The following RELCH variants were observed in gnomAD, a reference collection of about 807,000 sequenced individuals.
The protein encoded by RELCH is RAB11 binding and LisH domain, coiled-coil and HEAT repeat containing, also known as RAB11-binding protein RELCH.
A neutral mutation model predicts 150.3 loss-of-function variants in RELCH; 41 were observed. The ratio of observed to expected loss-of-function variants is 0.27; its 90% CI spans 0.21 to 0.35. The LOEUF (loss-of-function observed/expected upper bound fraction) is 0.35. Among genes scored for constraint, RELCH ranks in the 10% least tolerant of loss-of-function variants. The pLI, the probability that RELCH is intolerant of heterozygous loss-of-function variation, is 1.00. For synonymous variants in RELCH, 478 were observed against 531.8 expected (o/e 0.90, Z 1.39); for missense variants, 1,092 against 1,467.8 (o/e 0.74, Z 4.18).
chr18:62,299,021 T>C (rs1325059755), intron 28 of RELCH, among the ~76,000 whole-genome samples, 161 bp downstream of exon 28: 3 of 152,206 alleles, frequency 2.0e-5, no homozygotes, highest in Non-Finnish European at 4.4e-5. Flanking sequence ...TCCTGGTCCA[T>C]AAACTATCTC....
chr18:62,187,344 G>A lies in RELCH; in HGVS notation c.-162G>A. On this transcript the variant is annotated 5_prime_UTR_variant, in exon 1 of 29. Coordinates refer to ENST00000644646, the MANE Select transcript of RELCH (RefSeq NM_001346231.2). The stretch of plus-strand genomic sequence containing the variant: ...TGAGGCATCAGGTGCAGCTGCATCC[G>A]GATCTCCTGCCTTGGAGCGTACTCC... 1 of 568,484 alleles carries A rather than the reference G, an allele frequency of 1.8e-6. No homozygotes were observed. 35.2% of individuals were successfully genotyped at this position (568,484 alleles called of 1,614,324 possible). A position where few individuals can be genotyped will look rare whatever the true frequency, so the allele number is the denominator to read the frequency against.
At chr18:62,240,302 G>T (rs572699144) in intron 10 of RELCH, among the ~76,000 whole-genome samples, 4 of 151,348 alleles carry the variant, frequency 2.6e-5, no homozygotes, top group Non-Finnish European at 5.9e-5. Flanking sequence ...CCTTTGGATT[G>T]TGCAAAAGAA....
At position 62,258,092 on chromosome 18, in the gene RELCH, T is replaced by C. The variant is rs1568390838; in HGVS notation, c.2037+4T>C. The C allele has an allele frequency of 1.9e-6, 3 of 1,593,120 alleles. No individual in the cohort carries two copies. The South Asian group carries it at 3.5e-5, about 18-fold the overall frequency. On this transcript the variant is annotated splice_donor_region_variant and intron_variant, in intron 14 of 28. Coordinates refer to ENST00000644646, the MANE Select transcript of RELCH (RefSeq NM_001346231.2). Reference sequence around the variant, plus strand: ...TGATCCAGACAAATATCATCAGGTATGTTTTTCAGAATGAACTGATTTTAC... The same window carrying C: ...TGATCCAGACAAATATCATCAGGTACGTTTTTCAGAATGAACTGATTTTAC...
chr18:62,189,318 T>C (rs1245168548), intron 1 of RELCH, among the ~76,000 whole-genome samples: 4 of 147,974 alleles, frequency 2.7e-5, no homozygotes, highest in Non-Finnish European at 3.0e-5. Flanking sequence ...GATTTCTAAA[T>C]TATCTCATGA....
intron 28 of RELCH, chr18:62,300,974 C>G (rs975907033): frequency 6.6e-6 from 1 of 152,166 alleles, no homozygotes; most frequent in African/African-American, 2.4e-5. Context: ...AAGTCATAGT[C>G]TCTTCCCTCG....
intron 6 of RELCH, 49 bp from the exon 7 acceptor site, chr18:62,227,549 G>T: frequency 1.3e-6 from 2 of 1,547,222 alleles, no homozygotes; most frequent in South Asian, 2.3e-5. Flanking sequence ...CTATGTAAAA[G>T]CGTACAGTGA....
intron 11 of RELCH, among the ~76,000 whole-genome samples, chr18:62,247,580 G>A (rs2042484238): frequency 6.8e-6 from 1 of 146,430 alleles, no homozygotes; most frequent in Non-Finnish European, 1.5e-5. Context: ...GTCTCACTCT[G>A]TCTCCCAGGC....
chr18:62,280,313 T>C, intron 23 of RELCH: 2 of 1,512,632 alleles, frequency 1.3e-6, no homozygotes, highest in Non-Finnish European at 1.8e-6. Flanking sequence ...CCAGTTCTTA[T>C]TCCAGTTTAC....
chr18:62,285,414 T>C (rs1052027892), intron 25 of RELCH: 3 of 152,224 alleles, frequency 2.0e-5, no homozygotes, highest in Admixed American at 1.3e-4. Context: ...AGTGACTTTA[T>C]GTTATGTATT....
At chr18:62,273,890 G>C (rs1283851336) in intron 20 of RELCH, 90 bp from the exon 21 acceptor site, 20 of 789,024 alleles carry the variant, frequency 2.5e-5, no homozygotes, top group Non-Finnish European at 4.2e-5. Flanking sequence ...CCCCTTATTT[G>C]GTAACATTTT....
intron 1 of RELCH, among the ~76,000 whole-genome samples, chr18:62,199,078 T>G (rs1006176482): frequency 3.3e-5 from 5 of 151,088 alleles, no homozygotes; most frequent in African/African-American, 1.2e-4. Flanking sequence ...ATTAATATTC[T>G]ATTTTCTTGC....
At chr18:62,192,862 T>G (rs1026299971) in intron 1 of RELCH, among the ~76,000 whole-genome samples, 27 of 152,256 alleles carry the variant, frequency 1.8e-4, no homozygotes, top group African/African-American at 6.5e-4. Flanking sequence ...GTCTTGGCTA[T>G]ACGGGCTCTT....
chr18:62,231,137 C>A, intron 8 of RELCH, 57 bp from the exon 9 acceptor site: 1 of 1,161,156 alleles, frequency 8.6e-7, no homozygotes, highest in Non-Finnish European at 1.3e-6. Flanking sequence ...TAAATTTCTC[C>A]TTAAATGTCA....
chr18:62,228,278 G>T, intron 7 of RELCH, 27 bp from the exon 8 acceptor site: 1 of 1,572,316 alleles, frequency 6.4e-7, no homozygotes, highest in South Asian at 1.2e-5. Context: ...GTCCTCTGGT[G>T]ATTTCTCTTA....
At position 62,304,473 on chromosome 18, in the gene RELCH, C is replaced by T. The variant is rs539843789; in HGVS notation, c.3531-941C>T. On this transcript the variant is annotated intron_variant, in intron 28 of 28. Coordinates refer to ENST00000644646, the MANE Select transcript of RELCH (RefSeq NM_001346231.2). Reference sequence around the variant, plus strand: ...CACCTCATGCAGTAGATTCAACAGACATGTTGAGCACCTGCAGCTTGCCAC... The same window carrying T: ...CACCTCATGCAGTAGATTCAACAGATATGTTGAGCACCTGCAGCTTGCCAC... Among the ~76,000 whole-genome samples the T allele has an allele frequency of 2.0e-5, 3 of 152,334 alleles. No homozygotes were observed. In the South Asian group the frequency reaches 6.2e-4, roughly 32 times the overall value.
chr18:62,263,414 A>G (rs975245023), intron 16 of RELCH, among the ~76,000 whole-genome samples: 9 of 151,874 alleles, frequency 5.9e-5, no homozygotes, highest in Non-Finnish European at 1.0e-4. Context: ...TTGTTGACTT[A>G]GTTTAACTTT....
chr18:62,217,946 C>G (rs1747273895), intron 2 of RELCH, among the ~76,000 whole-genome samples: 1 of 151,850 alleles, frequency 6.6e-6, no homozygotes, highest in African/African-American at 2.4e-5. Flanking sequence ...CTTGCTTTCA[C>G]TTATTTATTG....
At chr18:62,295,320 T>G (rs1008224790) in intron 27 of RELCH, among the ~76,000 whole-genome samples, 2 of 128,276 alleles carry the variant, frequency 1.6e-5, no homozygotes, top group Non-Finnish European at 3.1e-5. Context: ...CCTGGTGTGT[T>G]TTTTTTTTTT....
chr18:62,256,288 A>G (rs1219043457), intron 13 of RELCH, among the ~76,000 whole-genome samples: 1 of 152,044 alleles, frequency 6.6e-6, no homozygotes, highest in African/African-American at 2.4e-5. Flanking sequence ...TGTCACTTCA[A>G]GGAAACCAAG....
Sources: gnomAD v4.1 joint callset for allele counts (sites outside exome capture counted in the v4.1 genomes callset) on GRCh38, gnomAD v4.1.1 for gene constraint, MANE v1.5 for transcripts, NCBI Gene and HGNC (gene_info 2026-07-23, HGNC 2026-07-21) for gene names.